Variants in RNF31 observed in about 807,000 individuals in gnomAD.
RNF31 encodes E3 ubiquitin-protein ligase RNF31.
Under a neutral mutation model 133.6 loss-of-function variants are expected in RNF31, and 38 were observed. The observed-to-expected ratio is 0.28, with a 90% confidence interval of 0.22 to 0.37. The LOEUF (loss-of-function observed/expected upper bound fraction) is 0.37. RNF31 is among the 10% of genes least tolerant of loss of function. The pLI is 1.00. For synonymous variants in RNF31, 582 were observed against 552.3 expected (o/e 1.05, Z -0.75); for missense variants, 1,118 against 1,394.1 (o/e 0.80, Z 3.15).
At chr14:24,153,905 A>G (rs1256586996) in intron 11 of RNF31, among the ~76,000 whole-genome samples, 1 of 152,142 alleles carries the variant, frequency 6.6e-6, no homozygotes, top group African/African-American at 2.4e-5. Flanking sequence ...CTCTGTCTCA[A>G]AATAAATTAA....
chr14:24,152,213 A>C (rs1331603664), intron 11 of RNF31, among the ~76,000 whole-genome samples: 1 of 151,946 alleles, frequency 6.6e-6, no homozygotes, highest in Non-Finnish European at 1.5e-5. Context: ...GAAAAATTGT[A>C]CTACACTGTA....
Position 24,155,543 on chromosome 14 carries a change from G to T in RNF31, c.2403+31G>T. The T allele has an allele frequency of 1.2e-6, 2 of 1,613,348 alleles. No homozygotes were observed. The highest frequency in any genetic ancestry group is 1.7e-6 in the Non-Finnish European group (2 of 1,179,232). Reference sequence around the variant, plus strand: ...TGGCCTGCCCAGGGCAGCTACTGTGGAGGGGCAGGGGATGGTTCCAGGTCA... The same window carrying T: ...TGGCCTGCCCAGGGCAGCTACTGTGTAGGGGCAGGGGATGGTTCCAGGTCA... On this transcript the variant is annotated intron_variant, in intron 13 of 20. Transcript: ENST00000324103. The surrounding 1 kb of genome is among the most constrained non-coding windows in gnomAD (Gnocchi z 4.9).
intron 18 of RNF31, 106 bp from the exon 19 acceptor site, chr14:24,159,758 G>A (rs575919204): frequency 1.2e-4 from 104 of 847,886 alleles, no homozygotes; most frequent in Middle Eastern, 2.6e-4. Context: ...TGCTGTGCTC[G>A]GTCCCTTCCT....
In RNF31 at chr14:24,158,206, G is replaced by A; in HGVS notation, c.2899+7G>A. On this transcript the variant is annotated splice_region_variant and intron_variant, in intron 18 of 20. Coordinates refer to ENST00000324103, the MANE Select transcript of RNF31 (RefSeq NM_017999.5). ...GCCCGGGCAGTCCCTGGAGGTGAGT[G>A]TTAGGACAAGCCTTTGAGAAGAGGA... The A allele has an allele frequency of 1.2e-6, 2 of 1,613,758 alleles. No individual in the cohort carries two copies. Among genetic ancestry groups the A allele is most frequent in the South Asian group, 1.1e-5 (1 of 91,072 alleles).
chr14:24,159,595 A>C (rs1320880993), intron 18 of RNF31, among the ~76,000 whole-genome samples: 1 of 126,068 alleles, frequency 7.9e-6, no homozygotes, highest in African/African-American at 2.7e-5. Context: ...AAAAAAAAAA[A>C]AAAAAAAAAA....
At position 24,151,173 on chromosome 14, in the gene RNF31, G is replaced by A. The variant is rs1216576249; in HGVS notation, c.1531G>A (p.Ala511Thr). ...AGACPEEIFS[A>T]LQYSGTEVPL... Reference sequence around the variant, plus strand: ...TGCCTGTCCAGAGGAGATCTTCTCGGCTCTGCAGTACTCGGGCACTGAGGT... The same window carrying A: ...TGCCTGTCCAGAGGAGATCTTCTCGACTCTGCAGTACTCGGGCACTGAGGT... Residue 511 changes from alanine to threonine, a missense_variant, in exon 9 of 21, where the codon GCT (alanine) becomes ACT (threonine). By Grantham distance (58) the Ala-to-Thr change is moderately conservative. Transcript: ENST00000324103. This position sits in a 1 kb window ranked among gnomAD's most constrained non-coding sequence, Gnocchi z 5.3. 6.8e-6 allele frequency: 11 copies of A among 1,614,160 alleles called. No individual in the cohort carries two copies. The South Asian group carries it at 1.2e-4, about 18-fold the overall frequency.
intron 18 of RNF31, among the ~76,000 whole-genome samples, chr14:24,159,252 C>G (rs1216341526): frequency 6.7e-6 from 1 of 149,006 alleles, no homozygotes; most frequent in Non-Finnish European, 1.5e-5. Context: ...GTGGCTGAGG[C>G]AGGAGAATCA....
At chr14:24,154,554 A>G (rs1443664604) in intron 11 of RNF31, among the ~76,000 whole-genome samples, 1 of 152,242 alleles carries the variant, frequency 6.6e-6, no homozygotes, top group East Asian at 1.9e-4. Flanking sequence ...CTGGGATTAC[A>G]GGTGTGAGCC....
rs1472535369 is a variant in RNF31, at chr14:24,147,827, G to T, written c.129G>T (p.Pro43=). 1 of 1,607,660 alleles carries T rather than the reference G, an allele frequency of 6.2e-7. No homozygotes were observed. The change falls in exon 1 of 21, where the codon CCG becomes CCT. Residue 43 remains proline (P), a synonymous_variant. Coordinates refer to ENST00000324103, the MANE Select transcript of RNF31 (RefSeq NM_017999.5). ...QLRPLLASSL[P]LAARYLQLDA... ...GGCCGCTACTAGCCAGCTCTCTGCC[G>T]CTAGCCGCCCGCTACCTGCAGCTGG...
chr14:24,149,348 A>G (rs2038228046), intron 5 of RNF31, 58 bp from the exon 6 acceptor site: 1 of 1,530,058 alleles, frequency 6.5e-7, no homozygotes, highest in Admixed American at 1.8e-5. Context: ...CATCCACAGC[A>G]GATTCAGATG....
intron 16 of RNF31, 38 bp downstream of exon 16, chr14:24,157,676 G>C (rs372697505): frequency 1.3e-6 from 2 of 1,572,160 alleles, no homozygotes; most frequent in African/African-American, 1.3e-5. Flanking sequence ...GGAAGGGTGG[G>C]GGGTGCCATT....
Position 24,151,657 on chromosome 14 carries a change from G to A in RNF31, c.1910G>A (p.Gly637Glu), listed in dbSNP as rs1246290661. ...CCTGAGCCCACCCCTTCCTGGGATG[G>A]GCCAGACAAGCAGGTGCTGGGAGGA... Reference protein sequence around the residue: ...SGPEPTPSWDGPDKQSLVRRL... With the variant: ...SGPEPTPSWDEPDKQSLVRRL... Residue 637 changes from glycine to glutamate, a missense_variant, in exon 10 of 21, where the codon GGG (glycine) becomes GAG (glutamate). Coordinates refer to ENST00000324103, the MANE Select transcript of RNF31 (RefSeq NM_017999.5). This position sits in a 1 kb window ranked among gnomAD's most constrained non-coding sequence, Gnocchi z 5.3. 1 of 1,611,272 alleles carries A rather than the reference G, an allele frequency of 6.2e-7. No homozygotes were observed. The highest frequency in any genetic ancestry group is 8.5e-7 in the Non-Finnish European group (1 of 1,179,960).
At position 24,160,076 on chromosome 14, in the gene RNF31, AG is replaced by A. The variant is rs957839578; in HGVS notation, c.2996+118del. On this transcript the variant is annotated intron_variant, in intron 19 of 20. Transcript: ENST00000324103. This position sits in a 1 kb window ranked among gnomAD's most constrained non-coding sequence, Gnocchi z 4.0. ...GTAGGTCTTGCAGTGGGTGGGAGGG[AG>A]GAGGCTTTCTGGGCAAGGGCATGGG... 3 of 1,320,530 alleles carry A rather than the reference AG, an allele frequency of 2.3e-6. No individual in the cohort carries two copies. Among genetic ancestry groups the A allele is most frequent in the African/African-American group, 2.9e-5 (2 of 69,062 alleles). 81.8% of individuals were successfully genotyped at this position (1,320,530 alleles called of 1,614,324 possible).
In RNF31 at chr14:24,150,807, G is replaced by A. The variant is rs781776932; in HGVS notation, c.1407G>A (p.Leu469=). 1.2e-6 allele frequency: 2 copies of A among 1,603,088 alleles called. No homozygotes were observed. Among genetic ancestry groups the A allele is most frequent in the Non-Finnish European group, 1.7e-6 (2 of 1,173,804 alleles). The change falls in exon 8 of 21, where the codon CTG becomes CTA. Residue 469 remains leucine (L), a synonymous_variant. Transcript: ENST00000324103. The part of the protein sequence containing the change: ...PGPPRRLSAP[L]PSSCGDPEKQ... ...CCCCACGACGCCTTAGTGCCCCCCT[G>A]CCCAGTTCCTGTGGAGATCCTGAGA...
Position 24,155,957 on chromosome 14 carries a change from A to G in RNF31, c.2493+265A>G, listed in dbSNP as rs1356612266. 6.6e-6 allele frequency among the ~76,000 whole-genome samples: 1 copy of G among 152,242 alleles called. No individual in the cohort carries two copies. The highest frequency in any genetic ancestry group is 1.5e-5 in the Non-Finnish European group (1 of 68,042). ...CTAATTATACATAGGCATAAATTCT[A>G]TGAAGAAAACAAACAGGAACCTGAG... is the stretch of plus-strand genomic sequence containing the variant. On this transcript the variant is annotated intron_variant, in intron 14 of 20. Coordinates refer to ENST00000324103, the MANE Select transcript of RNF31 (RefSeq NM_017999.5). This position sits in a 1 kb window ranked among gnomAD's most constrained non-coding sequence, Gnocchi z 4.9.
Position 24,151,550 on chromosome 14 carries a change from C to A in RNF31, c.1803C>A (p.His601Gln). 6.2e-7 allele frequency: 1 copy of A among 1,614,170 alleles called. No individual in the cohort carries two copies. The highest frequency in any genetic ancestry group is 1.6e-4 in the Middle Eastern group (1 of 6,062). Residue 601 changes from histidine to glutamine, a missense_variant, in exon 10 of 21, where the codon CAC becomes CAA. Coordinates refer to ENST00000324103, the MANE Select transcript of RNF31 (RefSeq NM_017999.5). The surrounding 1 kb of genome is among the most constrained non-coding windows in gnomAD (Gnocchi z 5.3). ...EEGSLQALFQ[H>Q]GGDVSRALTE... ...GGTCTCTCCAGGCATTGTTCCAGCA[C>A]GGAGGTGATGTGTCACGGGCCCTGA...
intron 5 of RNF31, chr14:24,149,192 A>G: frequency 1.7e-6 from 1 of 601,436 alleles, no homozygotes; most frequent in Non-Finnish European, 2.9e-6. Flanking sequence ...GGAACTCCTG[A>G]CCTCAAGTGA....
At position 24,151,555 on chromosome 14, in the gene RNF31, G is replaced by T. The variant is rs1340262426; in HGVS notation, c.1808G>T (p.Gly603Val). Residue 603 changes from glycine to valine, a missense_variant, in exon 10 of 21, where the codon GGT becomes GTT. Gly to Val is a moderately radical substitution (Grantham distance 109). Around this residue, in one of 3 missense-constraint regions of RNF31, gnomAD observed 747 missense variants for 827.9 expected, o/e 0.90. Coordinates refer to ENST00000324103, the MANE Select transcript of RNF31 (RefSeq NM_017999.5). The surrounding 1 kb of genome is among the most constrained non-coding windows in gnomAD (Gnocchi z 5.3). ...CTCCAGGCATTGTTCCAGCACGGAG[G>T]TGATGTGTCACGGGCCCTGACTGAG... ...GSLQALFQHG[G>V]DVSRALTELQ... 1 of 1,614,198 alleles carries T rather than the reference G, an allele frequency of 6.2e-7. No individual in the cohort carries two copies. Among genetic ancestry groups the T allele is most frequent in the South Asian group, 1.1e-5 (1 of 91,088 alleles).
Position 24,151,812 on chromosome 14 carries a change from C to T in RNF31, c.1950C>T (p.Val650=), listed in dbSNP as rs377219211. Residue 650 remains valine, a synonymous_variant, in exon 11 of 21, where the codon GTC becomes GTT. Coordinates refer to ENST00000324103, the MANE Select transcript of RNF31 (RefSeq NM_017999.5). The surrounding 1 kb of genome is among the most constrained non-coding windows in gnomAD (Gnocchi z 5.3). ...GCCTGGTCAGGCGGCTTTTGGCAGT[C>T]TACGCACTCCCCAGCTGGGGCCGGG... ...KQSLVRRLLA[V]YALPSWGRAE... is the part of the protein sequence containing the mutation. 21 of 1,612,716 alleles carry T rather than the reference C, an allele frequency of 1.3e-5. No individual in the cohort carries two copies. The highest frequency in any genetic ancestry group is 1.5e-5 in the Non-Finnish European group (18 of 1,179,338).
Sources: gnomAD v4.1 joint callset for allele counts (sites outside exome capture counted in the v4.1 genomes callset) on GRCh38, gnomAD v4.1.1 for gene constraint, gnomAD v4.1.1 regional missense constraint, Gnocchi (gnomAD v3.1) non-coding constraint, MANE v1.5 for transcripts, NCBI Gene and HGNC (gene_info 2026-07-23, HGNC 2026-07-21) for gene names.